The following SVEP1 variants were observed in gnomAD, a reference collection of about 807,000 sequenced individuals.
SVEP1 encodes sushi, von Willebrand factor type A, EGF and pentraxin domain containing 1.
In SVEP1, 164 loss-of-function variants were observed where a neutral mutation model predicts 367.3. The ratio of observed to expected loss-of-function variants is 0.45; its 90% CI spans 0.39 to 0.51. The LOEUF is 0.51. Ranked by LOEUF, SVEP1 falls within the 20% of genes least tolerant of loss-of-function variation. The pLI, the probability that SVEP1 is intolerant of heterozygous loss-of-function variation, is 0.00. For synonymous variants in SVEP1, 1,666 were observed against 1,611.6 expected, an observed-to-expected ratio of 1.03 and a Z score of -0.81; for missense variants, 4,117 against 4,425.3, an observed-to-expected ratio of 0.93 and a Z score of 1.98.
At chr9:110,576,235 A>G (rs1830625758) in intron 1 of SVEP1, among the ~76,000 whole-genome samples, 1 of 151,976 alleles carries the variant, frequency 6.6e-6, no homozygotes, top group Non-Finnish European at 1.5e-5. Flanking sequence ...TCTCACACAC[A>G]CACACACACA....
At chr9:110,399,241 A>G (rs1827819025) in intron 40 of SVEP1, among the ~76,000 whole-genome samples, 1 of 152,034 alleles carries the variant, frequency 6.6e-6, no homozygotes, top group Non-Finnish European at 1.5e-5. Flanking sequence ...AAACTATCCC[A>G]AGGATAAAAA....
chr9:110,481,155 A>G (rs1177555038), intron 12 of SVEP1, 87 bp downstream of exon 12: 2 of 1,034,196 alleles, frequency 1.9e-6, no homozygotes, highest in African/African-American at 1.6e-5. Context: ...ATTAATTCCT[A>G]TCGTAAGGCA....
chr9:110,417,399 T>G (rs1828143801), intron 36 of SVEP1, among the ~76,000 whole-genome samples: 1 of 76,698 alleles, frequency 1.3e-5, no homozygotes, highest in African/African-American at 5.2e-5. Context: ...AATATTGCGC[T>G]TTTCAGACCG....
chr9:110,475,571 T>C (rs1392784928), intron 14 of SVEP1, among the ~76,000 whole-genome samples: 3 of 151,918 alleles, frequency 2.0e-5, no homozygotes, highest in Non-Finnish European at 4.4e-5. Context: ...AGTCTCACTT[T>C]GTTGCCCAGG....
chr9:110,390,286 C>CGTATATATATAG (rs1564127486), intron 40 of SVEP1, among the ~76,000 whole-genome samples: 4 of 39,944 alleles, frequency 1.0e-4, no homozygotes, highest in Non-Finnish European at 1.9e-4. Context: ...TATATATATA[C>CGTATATATATAG]ATACTTATAT....
intron 43 of SVEP1, 133 bp downstream of exon 43, chr9:110,385,765 G>C (rs889616667): frequency 2.1e-6 from 2 of 957,384 alleles, no homozygotes; most frequent in East Asian, 3.1e-5. Context: ...AAACATTAAT[G>C]AGGAAGATGA....
At position 110,412,293 on chromosome 9, in the gene SVEP1, T is replaced by C. The variant is rs7019251; in HGVS notation, c.5976-558A>G. Among the ~76,000 whole-genome samples the C allele has an allele frequency of 1.7e-3, 265 of 152,358 alleles. 2 individuals are homozygous for C. The highest frequency in any genetic ancestry group is 5.9e-3 in the African/African-American group (244 of 41,590). ...TTAGCCTACATATAGCTCATTGTTA[T>C]GTACTGACACCTAGAGAACTTTAAA... On this transcript the variant is annotated intron_variant, in intron 36 of 47. Coordinates refer to ENST00000374469, the MANE Select transcript of SVEP1 (RefSeq NM_153366.4).
At chr9:110,436,551 G>A in intron 27 of SVEP1, 47 bp from the exon 28 acceptor site, 1 of 1,583,368 alleles carries the variant, frequency 6.3e-7, no homozygotes, top group Non-Finnish European at 8.6e-7. Context: ...TGGCCTGATG[G>A]TCTGTTATTC....
At chr9:110,396,714 C>T (rs1407891931) in intron 40 of SVEP1, among the ~76,000 whole-genome samples, 1 of 151,402 alleles carries the variant, frequency 6.6e-6, no homozygotes, top group African/African-American at 2.4e-5. Context: ...ACTATAAACA[C>T]CTCTAGGCAA....
chr9:110,403,296 G>GTGTTTTTTTTTTTTTTTTT, intron 39 of SVEP1, among the ~76,000 whole-genome samples: 2 of 43,462 alleles, frequency 4.6e-5, no homozygotes, highest in South Asian at 1.4e-3. Context: ...CGCCACCGCC[G>GTGTTTTTTTTTTTTTTTTT]TTTTTTTTTT....
At chr9:110,474,805 A>G (rs1341732442) in intron 14 of SVEP1, among the ~76,000 whole-genome samples, 1 of 152,184 alleles carries the variant, frequency 6.6e-6, no homozygotes, top group African/African-American at 2.4e-5. Flanking sequence ...ATAGGAAACT[A>G]TTTCTATAAA....
At position 110,425,519 on chromosome 9, in the gene SVEP1, G is replaced by A. The variant is rs896394055; in HGVS notation, c.5975+2072C>T. Among the ~76,000 whole-genome samples, 6 of 152,298 alleles carry A rather than the reference G, an allele frequency of 3.9e-5. No homozygotes were observed. In the East Asian group the frequency reaches 1.2e-3, roughly 29 times the overall value. ...TGTGGCCCAACACCTTCATGTCTTA[G>A]CTATAAAGTGGGAATAATACTTCTT... is the stretch of plus-strand genomic sequence containing the variant. On this transcript the variant is annotated intron_variant, in intron 36 of 47. Transcript: ENST00000374469.
intron 18 of SVEP1, among the ~76,000 whole-genome samples, chr9:110,463,219 CAACA>C (rs1165708242): frequency 9.0e-6 from 1 of 110,654 alleles, no homozygotes; most frequent in Non-Finnish European, 2.1e-5. Context: ...TTAACAACAA[CAACA>C]ACAACAACAA....
chr9:110,432,759 A>G (rs1181342861), intron 30 of SVEP1, 124 bp from the exon 31 acceptor site: 3 of 1,087,680 alleles, frequency 2.8e-6, no homozygotes, highest in Non-Finnish European at 3.9e-6. Context: ...CATCAGACTG[A>G]GGGTGTCCTA....
At chr9:110,404,023 C>T (rs544604439) in intron 39 of SVEP1, among the ~76,000 whole-genome samples, 3 of 152,138 alleles carry the variant, frequency 2.0e-5, no homozygotes, top group East Asian at 3.9e-4. Context: ...TGGGCATAGC[C>T]CATGGCTGAT....
chr9:110,376,566 G>T (rs183772318), intron 45 of SVEP1, among the ~76,000 whole-genome samples: 8 of 152,226 alleles, frequency 5.3e-5, no homozygotes, highest in African/African-American at 1.7e-4. Context: ...TAAAATTCCT[G>T]CCCTGTAGGA....
chr9:110,437,332 C>A (rs1015003100), intron 27 of SVEP1, among the ~76,000 whole-genome samples: 2 of 152,186 alleles, frequency 1.3e-5, no homozygotes, highest in Non-Finnish European at 2.9e-5. Flanking sequence ...CAATGCCTAA[C>A]CCTTGTCATT....
chr9:110,474,577 A>G (rs1829071837), intron 14 of SVEP1, among the ~76,000 whole-genome samples: 1 of 152,136 alleles, frequency 6.6e-6, no homozygotes, highest in Admixed American at 6.5e-5. Flanking sequence ...TGTGATGACA[A>G]CTGACTCTCT....
chr9:110,506,415 CAGAGT>C (rs1829627233), intron 5 of SVEP1, among the ~76,000 whole-genome samples: 1 of 152,224 alleles, frequency 6.6e-6, no homozygotes, highest in Admixed American at 6.5e-5. Flanking sequence ...AAACTTTCAT[CAGAGT>C]AAACAGGCAA....
Sources: allele counts gnomAD v4.1 joint callset (sites outside exome capture counted in the v4.1 genomes callset), GRCh38; gene constraint gnomAD v4.1.1; transcripts MANE v1.5; gene names NCBI Gene and HGNC (gene_info 2026-07-23, HGNC 2026-07-21).